Variants in PDE1A observed in about 807,000 individuals in gnomAD.
The protein encoded by PDE1A is dual specificity calcium/calmodulin-dependent 3',5'-cyclic nucleotide phosphodiesterase 1A.
A neutral mutation model predicts 61.7 loss-of-function variants in PDE1A; 35 were observed. The ratio of observed to expected loss-of-function variants is 0.57; its 90% confidence interval spans 0.43 to 0.75. The LOEUF (loss-of-function observed/expected upper bound fraction) is 0.75. Ranked by LOEUF, PDE1A falls within the 30% of genes least tolerant of loss-of-function variation. PDE1A has a pLI of 0.00. For synonymous variants in PDE1A, 232 were observed against 213.2 expected, an observed-to-expected ratio of 1.09 and a Z score of -0.77; for missense variants, 597 against 630.6, an observed-to-expected ratio of 0.95 and a Z score of 0.57.
intron 2 of PDE1A, among the ~76,000 whole-genome samples, chr2:182,475,450 T>TCCAAG: frequency 6.6e-6 from 1 of 151,986 alleles, no homozygotes; most frequent in African/African-American, 2.4e-5. Context: ...GGGAATAAAT[T>TCCAAG]TGCAAACTGA....
At chr2:182,685,500 T>C in the PDE1A span, among the ~76,000 whole-genome samples, 2 of 152,228 alleles carry the variant, frequency 1.3e-5, no homozygotes, top group Admixed American at 6.5e-5. Flanking sequence ...TGGCATGGCA[T>C]TTTGATAGAT....
chr2:182,264,040 AGAG>A (rs1692422533), intron 2 of PDE1A, among the ~76,000 whole-genome samples: 1 of 152,214 alleles, frequency 6.6e-6, no homozygotes, highest in Non-Finnish European at 1.5e-5. Context: ...GGATGGGGGA[AGAG>A]GAGATTTTTT....
At chr2:182,164,380 A>G (rs1467855053), downstream of PDE1A, among the ~76,000 whole-genome samples, 1 of 152,174 alleles carries the variant, frequency 6.6e-6, no homozygotes, top group Non-Finnish European at 1.5e-5. Flanking sequence ...TGGAAGGAAC[A>G]TAATTGGAAT....
chr2:182,625,989 C>A, the PDE1A span, among the ~76,000 whole-genome samples: 1 of 152,080 alleles, frequency 6.6e-6, no homozygotes, highest in African/African-American at 2.4e-5. Context: ...AAGACAAAGG[C>A]AGAGACAGAG....
chr2:182,204,703 C>G (rs1315971456), intron 8 of PDE1A, among the ~76,000 whole-genome samples: 1 of 152,132 alleles, frequency 6.6e-6, no homozygotes, highest in East Asian at 1.9e-4. Flanking sequence ...ATTGGTAAGG[C>G]TTCCTATCCA....
chr2:182,646,027 G>A, the PDE1A span, among the ~76,000 whole-genome samples: 5 of 152,172 alleles, frequency 3.3e-5, no homozygotes, highest in South Asian at 1.0e-3. Flanking sequence ...TAGGCTACAT[G>A]GGGATATAAA....
chr2:182,157,863 C>G (rs1434048757), intron 13 of PDE1A, among the ~76,000 whole-genome samples: 1 of 152,182 alleles, frequency 6.6e-6, no homozygotes, highest in Non-Finnish European at 1.5e-5. Flanking sequence ...TAGCTTGAAG[C>G]CACCAAATCT....
At chr2:182,386,376 C>A (rs1423457813) in intron 1 of PDE1A, among the ~76,000 whole-genome samples, 1 of 151,496 alleles carries the variant, frequency 6.6e-6, no homozygotes, top group Admixed American at 6.6e-5. Flanking sequence ...CTCTTCCTGG[C>A]CGCCATCCCA....
chr2:182,244,668 C>T (rs1228139346), intron 2 of PDE1A, among the ~76,000 whole-genome samples: 1 of 152,072 alleles, frequency 6.6e-6, no homozygotes, highest in Non-Finnish European at 1.5e-5. Context: ...GGCATGGGTT[C>T]TTTGTCATGT....
At chr2:182,571,906 C>T in the PDE1A span, among the ~76,000 whole-genome samples, 1 of 152,132 alleles carries the variant, frequency 6.6e-6, no homozygotes, top group Non-Finnish European at 1.5e-5. Context: ...TGACCTTACT[C>T]TATGTTCACT....
intron 2 of PDE1A, among the ~76,000 whole-genome samples, chr2:182,470,293 T>C (rs1686945558): frequency 6.6e-6 from 1 of 151,854 alleles, no homozygotes; most frequent in Non-Finnish European, 1.5e-5. Context: ...AATCTAGAGC[T>C]TAGCAGGAAT....
intron 3 of PDE1A, among the ~76,000 whole-genome samples, chr2:182,236,575 C>T (rs922687635): frequency 1.3e-5 from 2 of 152,164 alleles, no homozygotes; most frequent in Admixed American, 1.3e-4. Context: ...GTTAGCCACT[C>T]ACTGCTGTGT....
At chr2:182,445,446 AT>A (rs1020415064) in intron 2 of PDE1A, among the ~76,000 whole-genome samples, 1 of 152,032 alleles carries the variant, frequency 6.6e-6, no homozygotes, top group African/African-American at 2.4e-5. Context: ...AAACAGAATT[AT>A]TTTTTCTAGG....
chr2:182,625,862 C>T, the PDE1A span, among the ~76,000 whole-genome samples: 1 of 152,140 alleles, frequency 6.6e-6, no homozygotes, highest in Non-Finnish European at 1.5e-5. Context: ...TCCTCATGTA[C>T]AGCAACATAT....
At chr2:182,635,668 GTATC>G in the PDE1A span, among the ~76,000 whole-genome samples, 44 of 149,708 alleles carry the variant, frequency 2.9e-4, no homozygotes, top group Non-Finnish European at 3.6e-4. Context: ...TGTTTTAAGA[GTATC>G]TATCTCTCTC....
intron 13 of PDE1A, among the ~76,000 whole-genome samples, chr2:182,151,651 C>T (rs541768221): frequency 2.5e-4 from 38 of 152,252 alleles, no homozygotes; most frequent in African/African-American, 7.9e-4. Flanking sequence ...TTTAAATAGA[C>T]TTTAAATATA....
chr2:182,168,131 A>G (rs1691766479), exon 14 of PDE1A: 28 of 1,445,844 alleles, frequency 1.9e-5, no homozygotes, highest in Admixed American at 2.9e-5. Flanking sequence ...ATCTGCAAAA[A>G]TAGATTTCCT....
At chr2:182,462,925 T>C (rs1291329424) in intron 2 of PDE1A, among the ~76,000 whole-genome samples, 2 of 152,190 alleles carry the variant, frequency 1.3e-5, no homozygotes, top group Non-Finnish European at 2.9e-5. Context: ...ATTTTCTGCA[T>C]TGTATTAATA....
chr2:182,540,587 T>C, the PDE1A span, among the ~76,000 whole-genome samples: 447 of 152,224 alleles, frequency 2.9e-3, 1 homozygote, highest in Non-Finnish European at 5.0e-3. Context: ...GTGTCTGAGT[T>C]AACCAAATTC....
Sources: allele counts gnomAD v4.1 joint callset (sites outside exome capture counted in the v4.1 genomes callset), GRCh38; gene constraint gnomAD v4.1.1; transcripts MANE v1.5; gene names NCBI Gene and HGNC (gene_info 2026-07-23, HGNC 2026-07-21).